The following CHST8 variants were observed in gnomAD, a reference collection of about 807,000 sequenced individuals.
CHST8 encodes the protein GALNAC-4-ST1.
In CHST8, 10 loss-of-function variants were observed where a neutral mutation model predicts 15.0. The observed-to-expected ratio is 0.67, with a 90% CI of 0.41 to 1.13. The LOEUF (loss-of-function observed/expected upper bound fraction) is 1.13, where lower values mean the gene tolerates loss of function less well. CHST8 is among the 50% of genes most tolerant of loss of function. The pLI is 0.00. For synonymous variants in CHST8, 259 were observed against 256.6 expected, an observed-to-expected ratio of 1.01 and a Z score of -0.09; for missense variants, 634 against 608.2, an observed-to-expected ratio of 1.04 and a Z score of -0.45.
chr19:33,686,564 G>A (rs1272156600), intron 2 of CHST8, among the ~76,000 whole-genome samples: 1 of 152,148 alleles, frequency 6.6e-6, no homozygotes, highest in East Asian at 1.9e-4. Context: ...TGTTCATCAG[G>A]TAGAGCCTGA....
Position 33,708,469 on chromosome 19 carries a change from C to A in CHST8, c.130+19078C>A, listed in dbSNP as rs78319646. On this transcript the variant is annotated intron_variant, in intron 3 of 4. Coordinates refer to ENST00000650847, the MANE Select transcript of CHST8 (RefSeq NM_001127895.2). The stretch of plus-strand genomic sequence containing the variant: ...AATATCCAGTTATCCCAGTTCCCAG[C>A]ACGTGCTGAAGACTATCTGTTCCCT... Among the ~76,000 whole-genome samples, 1,517 of 152,308 alleles carry A rather than the reference C, an allele frequency of 1.0e-2. 18 individuals are homozygous for A. The highest frequency in any genetic ancestry group is 0.018 in the Non-Finnish European group (1,223 of 68,016).
intron 3 of CHST8, among the ~76,000 whole-genome samples, chr19:33,767,028 C>T (rs1456474107): frequency 1.1e-4 from 16 of 152,246 alleles, no homozygotes; most frequent in Non-Finnish European, 5.9e-5. Flanking sequence ...TGTCCCTCTG[C>T]AGATTTGACT....
intron 3 of CHST8, among the ~76,000 whole-genome samples, chr19:33,699,876 TGCCAGGACAAATGTCGTGGGTGG>T (rs1212349015): frequency 2.6e-5 from 4 of 152,092 alleles, no homozygotes; most frequent in Non-Finnish European, 5.9e-5. Context: ...CTGAGACAAA[TGCCAGGACAAATGTCGTGGGTGG>T]GCCAGGACCA....
At chr19:33,716,068 C>T (rs1350234449) in intron 3 of CHST8, among the ~76,000 whole-genome samples, 1 of 152,248 alleles carries the variant, frequency 6.6e-6, no homozygotes, top group African/African-American at 2.4e-5. Flanking sequence ...TTTCACTTAA[C>T]ACTGCAGGGT....
chr19:33,661,052 G>A (rs745562734), intron 1 of CHST8, among the ~76,000 whole-genome samples: 1 of 152,242 alleles, frequency 6.6e-6, no homozygotes, highest in Non-Finnish European at 1.5e-5. Flanking sequence ...TCTTGTCTGC[G>A]AGGCACGGGG....
intron 3 of CHST8, among the ~76,000 whole-genome samples, chr19:33,714,527 A>G (rs184820845): frequency 6.6e-6 from 1 of 152,096 alleles, no homozygotes; most frequent in East Asian, 1.9e-4. Context: ...GGGGAGGAAA[A>G]AACCTATTGG....
intron 3 of CHST8, among the ~76,000 whole-genome samples, chr19:33,709,964 A>G (rs1301960035): frequency 6.6e-6 from 1 of 152,146 alleles, no homozygotes; most frequent in African/African-American, 2.4e-5. Flanking sequence ...TCATGCCACT[A>G]CACCTGGCTC....
chr19:33,723,685 G>T lies in CHST8; in HGVS notation c.130+34294G>T, dbSNP rs114514920. On this transcript the variant is annotated intron_variant, in intron 3 of 4. Transcript: ENST00000650847. Reference sequence around the variant, plus strand: ...AGGAACATTTCAATTGCAAGGGACAGCATCAGGTAGGGCTGTATCTAGGCT... The same window carrying T: ...AGGAACATTTCAATTGCAAGGGACATCATCAGGTAGGGCTGTATCTAGGCT... Among the ~76,000 whole-genome samples, 848 of 152,338 alleles carry T rather than the reference G, an allele frequency of 5.6e-3. 6 individuals are homozygous for T. The highest frequency in any genetic ancestry group is 0.02 in the African/African-American group (818 of 41,586).
At chr19:33,748,219 C>T (rs930354079) in intron 3 of CHST8, among the ~76,000 whole-genome samples, 2 of 152,240 alleles carry the variant, frequency 1.3e-5, no homozygotes, top group Non-Finnish European at 2.9e-5. Flanking sequence ...AGGCACTCAG[C>T]TTCCACTGGA....
chr19:33,693,215 A>C (rs1973133355), intron 3 of CHST8, among the ~76,000 whole-genome samples: 1 of 152,104 alleles, frequency 6.6e-6, no homozygotes, highest in African/African-American at 2.4e-5. Context: ...CATGTCGGTC[A>C]GGCTGATCTC....
At chr19:33,703,996 G>A (rs927032078) in intron 3 of CHST8, among the ~76,000 whole-genome samples, 3 of 152,184 alleles carry the variant, frequency 2.0e-5, no homozygotes, top group East Asian at 1.9e-4. Context: ...TCTCATGTTC[G>A]CGTCTGGGGT....
chr19:33,747,309 G>A (rs955264297), intron 3 of CHST8, among the ~76,000 whole-genome samples: 3 of 152,144 alleles, frequency 2.0e-5, no homozygotes, highest in Non-Finnish European at 2.9e-5. Context: ...AGCTGCACCC[G>A]TCCTTAGAGA....
At chr19:33,705,703 C>T (rs990297035) in intron 3 of CHST8, among the ~76,000 whole-genome samples, 1 of 152,120 alleles carries the variant, frequency 6.6e-6, no homozygotes, top group African/African-American at 2.4e-5. Flanking sequence ...GCCACCCTGG[C>T]TCCCTTTCTG....
At chr19:33,650,501 CTTTTTCTTTTTCTTTTCTTTT>C (rs1972425218) in intron 1 of CHST8, among the ~76,000 whole-genome samples, 1 of 50,928 alleles carries the variant, frequency 2.0e-5, no homozygotes, top group African/African-American at 7.1e-5. Flanking sequence ...TTTTCTTTTT[CTTTTTCTTTTTCTTTTCTTTT>C]TTTTTTTTTT....
chr19:33,682,509 A>G (rs2145246646), intron 2 of CHST8, among the ~76,000 whole-genome samples: 1 of 152,150 alleles, frequency 6.6e-6, no homozygotes, highest in East Asian at 1.9e-4. Flanking sequence ...CATCTCCAGA[A>G]CCTTTTCATC....
intron 1 of CHST8, among the ~76,000 whole-genome samples, chr19:33,663,851 G>C (rs991549371): frequency 6.6e-6 from 1 of 152,082 alleles, no homozygotes; most frequent in African/African-American, 2.4e-5. Flanking sequence ...GCCTGGGTGA[G>C]AGAGTAAGAC....
chr19:33,630,144 C>A (rs1600224399), intron 1 of CHST8, among the ~76,000 whole-genome samples: 1 of 152,352 alleles, frequency 6.6e-6, no homozygotes, highest in Middle Eastern at 3.4e-3. Context: ...GCTGCAGGAG[C>A]TTTGCTTCCT....
chr19:33,756,726 A>G (rs1399684852), intron 3 of CHST8, among the ~76,000 whole-genome samples: 1 of 152,138 alleles, frequency 6.6e-6, no homozygotes, highest in Non-Finnish European at 1.5e-5. Flanking sequence ...CTCCATCATA[A>G]GGTAAGAACC....
At chr19:33,757,544 GAAA>G in intron 3 of CHST8, among the ~76,000 whole-genome samples, 1 of 105,222 alleles carries the variant, frequency 9.5e-6, no homozygotes, top group African/African-American at 3.8e-5. Flanking sequence ...AAGAAAGAAA[GAAA>G]GAAAGAAAGA....
Sources: allele counts gnomAD v4.1 joint callset (sites outside exome capture counted in the v4.1 genomes callset), GRCh38; gene constraint gnomAD v4.1.1; transcripts MANE v1.5; gene names NCBI Gene and HGNC (gene_info 2026-07-23, HGNC 2026-07-21).